CNTNAP2: variants seen among roughly 807,000 people sequenced by gnomAD.
The protein encoded by CNTNAP2 is contactin-associated protein-like 2.
CNTNAP2 carries 98 observed loss-of-function variants against 155.2 expected under a neutral mutation model. The observed-to-expected ratio is 0.63, with a 90% CI of 0.54 to 0.75. CNTNAP2 has a LOEUF of 0.75. Ranked by LOEUF, CNTNAP2 falls within the 30% of genes least tolerant of loss-of-function variation. The probability of loss-of-function intolerance (pLI) is 0.00; values close to 1 mark genes in which losing one functional copy is unlikely to be tolerated. For synonymous variants in CNTNAP2, 651 were observed against 631.2 expected, an observed-to-expected ratio of 1.03 and a Z score of -0.47; for missense variants, 1,727 against 1,688.1, an observed-to-expected ratio of 1.02 and a Z score of -0.40.
chr7:147,559,032 G>C (rs896786869), intron 11 of CNTNAP2, among the ~76,000 whole-genome samples: 1 of 152,062 alleles, frequency 6.6e-6, no homozygotes, highest in African/African-American at 2.4e-5. Context: ...CACCATGCCC[G>C]GCCTAATATT....
chr7:146,803,072 T>A (rs1802908507), intron 2 of CNTNAP2, among the ~76,000 whole-genome samples: 1 of 152,142 alleles, frequency 6.6e-6, no homozygotes, highest in African/African-American at 2.4e-5. Context: ...TCAATTTCAT[T>A]TATGGGAGTA....
At chr7:147,228,558 C>G (rs548161860) in intron 8 of CNTNAP2, among the ~76,000 whole-genome samples, 2 of 152,096 alleles carry the variant, frequency 1.3e-5, no homozygotes, top group Non-Finnish European at 2.9e-5. Context: ...TTGGAGCATT[C>G]TCATTTAGAT....
intron 1 of CNTNAP2, among the ~76,000 whole-genome samples, chr7:146,470,336 A>T (rs1247323239): frequency 6.6e-6 from 1 of 152,162 alleles, no homozygotes; most frequent in African/African-American, 2.4e-5. Flanking sequence ...TGAGTTCACA[A>T]AGAAAAAATA....
intron 1 of CNTNAP2, among the ~76,000 whole-genome samples, chr7:146,580,661 G>T (rs1397123157): frequency 6.6e-6 from 1 of 151,944 alleles, no homozygotes; most frequent in African/African-American, 2.4e-5. Flanking sequence ...TATGATGTTT[G>T]CTTTATTAAG....
At chr7:148,187,246 G>A (rs766719903) in intron 18 of CNTNAP2, among the ~76,000 whole-genome samples, 10 of 152,006 alleles carry the variant, frequency 6.6e-5, no homozygotes, top group Admixed American at 5.9e-4. Flanking sequence ...CCCACACACC[G>A]TATCCATGCT....
chr7:147,148,555 G>A (rs1052837560), intron 8 of CNTNAP2, among the ~76,000 whole-genome samples: 2 of 152,138 alleles, frequency 1.3e-5, no homozygotes, highest in Non-Finnish European at 2.9e-5. Flanking sequence ...CGCTGACTTC[G>A]AGAATGAAGC....
At chr7:146,191,252 G>A (rs1023116074) in intron 1 of CNTNAP2, among the ~76,000 whole-genome samples, 19 of 151,990 alleles carry the variant, frequency 1.3e-4, no homozygotes, top group African/African-American at 2.2e-4. Flanking sequence ...ATCATATGTC[G>A]GCAGGTTCTG....
At position 146,517,946 on chromosome 7, in the gene CNTNAP2, G is replaced by T. The variant is rs62483359; in HGVS notation, c.98-256325G>T. ...GGCGCTTTCAAATTTAAGCAATCAA[G>T]TGTATTCTGAGATCTACTATTAAGA... On this transcript the variant is annotated intron_variant, in intron 1 of 23. Transcript: ENST00000361727. 7.0e-3 allele frequency among the ~76,000 whole-genome samples: 1,057 copies of T among 152,010 alleles called. 8 individuals carry two copies. Among genetic ancestry groups the T allele is most frequent in the Non-Finnish European group, 0.013 (879 of 67,902 alleles).
At chr7:147,760,789 A>G (rs1158719106) in intron 13 of CNTNAP2, among the ~76,000 whole-genome samples, 1 of 152,216 alleles carries the variant, frequency 6.6e-6, no homozygotes, top group East Asian at 1.9e-4. Flanking sequence ...GTATTATCTT[A>G]GATTTTGGGA....
At chr7:147,664,749 T>C (rs1305587718) in intron 13 of CNTNAP2, among the ~76,000 whole-genome samples, 1 of 152,190 alleles carries the variant, frequency 6.6e-6, no homozygotes, top group African/African-American at 2.4e-5. Context: ...GGGTCTTTCA[T>C]GGTCTGGCCC....
intron 12 of CNTNAP2, among the ~76,000 whole-genome samples, chr7:147,630,617 A>T (rs1217234787): frequency 1.3e-5 from 2 of 152,186 alleles, no homozygotes; most frequent in Non-Finnish European, 2.9e-5. Flanking sequence ...TCAAAAAGAT[A>T]ATACACCATT....
chr7:146,481,350 T>C (rs920962913), intron 1 of CNTNAP2, among the ~76,000 whole-genome samples: 3 of 152,254 alleles, frequency 2.0e-5, no homozygotes, highest in African/African-American at 7.2e-5. Flanking sequence ...TGTAGCATAC[T>C]GGCTCTAGAA....
intron 3 of CNTNAP2, among the ~76,000 whole-genome samples, chr7:146,851,184 C>A (rs955711577): frequency 2.0e-5 from 3 of 151,992 alleles, no homozygotes; most frequent in African/African-American, 4.8e-5. Context: ...CGGGTTTTGC[C>A]ATATTGGCTA....
chr7:146,880,319 GCT>G (rs1199201246), intron 3 of CNTNAP2, among the ~76,000 whole-genome samples: 1 of 151,884 alleles, frequency 6.6e-6, no homozygotes, highest in Non-Finnish European at 1.5e-5. Context: ...GCTCCTTTAT[GCT>G]CTCTCTTTCT....
At chr7:147,219,906 G>C (rs1178945288) in intron 8 of CNTNAP2, among the ~76,000 whole-genome samples, 1 of 150,882 alleles carries the variant, frequency 6.6e-6, no homozygotes, top group Non-Finnish European at 1.5e-5. Context: ...CTCCCAAGTA[G>C]CTGGGACTAC....
At chr7:146,970,867 A>C (rs1293460574) in intron 3 of CNTNAP2, among the ~76,000 whole-genome samples, 1 of 152,158 alleles carries the variant, frequency 6.6e-6, no homozygotes, top group Non-Finnish European at 1.5e-5. Context: ...TACACCATGG[A>C]ATACTATGCA....
chr7:146,792,386 A>G (rs1802690433), intron 2 of CNTNAP2, among the ~76,000 whole-genome samples: 1 of 152,208 alleles, frequency 6.6e-6, no homozygotes. Context: ...AATCTGAACA[A>G]ATAGGCTAAG....
chr7:146,492,352 C>T (rs1384681956), intron 1 of CNTNAP2, among the ~76,000 whole-genome samples: 1 of 152,038 alleles, frequency 6.6e-6, no homozygotes, highest in Non-Finnish European at 1.5e-5. Context: ...AATACTGTGC[C>T]CTTCCTCATG....
At position 146,408,171 on chromosome 7, in the gene CNTNAP2, A is replaced by T. The variant is rs551962038; in HGVS notation, c.97+291198A>T. 2.0e-5 allele frequency among the ~76,000 whole-genome samples: 3 copies of T among 152,304 alleles called. No individual in the cohort carries two copies. The East Asian group carries it at 5.8e-4, about 29-fold the overall frequency. On this transcript the variant is annotated intron_variant, in intron 1 of 23. Coordinates refer to ENST00000361727, the MANE Select transcript of CNTNAP2 (RefSeq NM_014141.6). ...AAAAAAGTCACACAAATCTTCTAAA[A>T]TAGATGAATAAAAAGTTGAACCATA... is the stretch of plus-strand genomic sequence containing the variant.
Sources: allele counts gnomAD v4.1 joint callset (sites outside exome capture counted in the v4.1 genomes callset), GRCh38; gene constraint gnomAD v4.1.1; transcripts MANE v1.5; gene names NCBI Gene and HGNC (gene_info 2026-07-23, HGNC 2026-07-21).